WDR37: variants seen among roughly 807,000 people sequenced by gnomAD.
WDR37 encodes WD repeat-containing protein 37.
WDR37 carries 19 observed loss-of-function variants against 62.9 expected under a neutral mutation model. The ratio of observed to expected loss-of-function variants is 0.30; its 90% CI spans 0.21 to 0.44. WDR37 has a LOEUF of 0.44. WDR37 is among the 20% of genes least tolerant of loss of function. WDR37 has a pLI of 1.00. For missense variants in WDR37, 474 were observed against 657.6 expected, an observed-to-expected ratio of 0.72 and a Z score of 3.05; for synonymous variants, 250 against 260.9, an observed-to-expected ratio of 0.96 and a Z score of 0.40.
intron 1 of WDR37, among the ~76,000 whole-genome samples, chr10:1,063,206 TA>T (rs1833428026): frequency 6.6e-6 from 1 of 152,130 alleles, no homozygotes; most frequent in Non-Finnish European, 1.5e-5. Context: ...ATGTATCTCA[TA>T]TGTTGTGCTG....
rs563724583 is a variant in WDR37, at chr10:1,092,650, G to A, written c.605-802G>A. ...TGGTATTACAGGCGTGAGCCAGTGC[G>A]TCTGGCCCGACCCTGTCTTTACTAA... On this transcript the variant is annotated intron_variant, in intron 7 of 13. Coordinates refer to ENST00000263150, the MANE Select transcript of WDR37 (RefSeq NM_014023.4). Among the ~76,000 whole-genome samples the A allele has an allele frequency of 2.2e-4, 34 of 151,684 alleles. No homozygotes were observed. In the East Asian group the frequency reaches 5.9e-3, roughly 26 times the overall value.
At chr10:1,084,621 C>G (rs1357985212) in intron 6 of WDR37, 83 bp downstream of exon 6, 8 of 1,562,762 alleles carry the variant, frequency 5.1e-6, no homozygotes, top group Non-Finnish European at 7.0e-6. Flanking sequence ...TTTTCTGTGG[C>G]AGAGGAACCC....
chr10:1,125,451 C>T (rs1835709999), intron 13 of WDR37, among the ~76,000 whole-genome samples: 1 of 152,228 alleles, frequency 6.6e-6, no homozygotes, highest in South Asian at 2.1e-4. Context: ...CTCAGGTGAT[C>T]TGCCCTCCTC....
chr10:1,099,987 G>A (rs1332063230), intron 9 of WDR37, among the ~76,000 whole-genome samples: 2 of 152,086 alleles, frequency 1.3e-5, no homozygotes, highest in Non-Finnish European at 2.9e-5. Context: ...GGTGAGGAGG[G>A]TGAGCATTGA....
At chr10:1,090,053 G>A (rs1834334952) in intron 7 of WDR37, among the ~76,000 whole-genome samples, 1 of 152,274 alleles carries the variant, frequency 6.6e-6, no homozygotes, top group South Asian at 2.1e-4. Flanking sequence ...TGCAACCTCC[G>A]CCTCCCACGT....
At chr10:1,099,132 T>G (rs1834703546) in intron 9 of WDR37, among the ~76,000 whole-genome samples, 1 of 152,252 alleles carries the variant, frequency 6.6e-6, no homozygotes, top group South Asian at 2.1e-4. Flanking sequence ...CATAAAATTC[T>G]TCACTTACTG....
At chr10:1,057,445 C>T (rs565380757) in intron 1 of WDR37, among the ~76,000 whole-genome samples, 1 of 152,256 alleles carries the variant, frequency 6.6e-6, no homozygotes, top group Non-Finnish European at 1.5e-5. Context: ...AGGAGAATGG[C>T]CTTTCTTCTC....
At chr10:1,069,676 A>T (rs1833671703) in intron 1 of WDR37, among the ~76,000 whole-genome samples, 2 of 152,004 alleles carry the variant, frequency 1.3e-5, no homozygotes, top group Admixed American at 6.6e-5. Flanking sequence ...ACTAATGGGT[A>T]GTGTGGGTGA....
chr10:1,119,769 C>A (rs1019802895), intron 11 of WDR37, among the ~76,000 whole-genome samples: 1 of 152,228 alleles, frequency 6.6e-6, no homozygotes, highest in African/African-American at 2.4e-5. Flanking sequence ...TGACGAGGAG[C>A]GGGGCCTGCA....
intron 1 of WDR37, among the ~76,000 whole-genome samples, chr10:1,058,733 G>A (rs1306746570): frequency 6.6e-6 from 1 of 152,222 alleles, no homozygotes; most frequent in Non-Finnish European, 1.5e-5. Context: ...GTTGCCTGTA[G>A]AGACCATTCT....
intron 11 of WDR37, among the ~76,000 whole-genome samples, chr10:1,120,170 C>T (rs897956312): frequency 1.4e-4 from 21 of 152,128 alleles, no homozygotes; most frequent in Admixed American, 1.2e-3. Context: ...TTCCAAAAGG[C>T]GTGGGTGATG....
intron 13 of WDR37, 76 bp from the exon 14 acceptor site, chr10:1,129,137 T>A: frequency 6.3e-7 from 1 of 1,580,066 alleles, no homozygotes; most frequent in Non-Finnish European, 8.6e-7. Flanking sequence ...GTGATGTGGT[T>A]ATTCATTTCG....
intron 9 of WDR37, among the ~76,000 whole-genome samples, chr10:1,097,577 G>A (rs971608631): frequency 3.3e-5 from 5 of 152,222 alleles, no homozygotes; most frequent in Non-Finnish European, 7.3e-5. Flanking sequence ...GTTTCGAAGT[G>A]TGGGAGCCTC....
chr10:1,111,135 A>G (rs1835205558), intron 11 of WDR37, among the ~76,000 whole-genome samples: 1 of 152,252 alleles, frequency 6.6e-6, no homozygotes, highest in South Asian at 2.1e-4. Context: ...CCTTTCTCAC[A>G]TAATTTATAT....
intron 1 of WDR37, among the ~76,000 whole-genome samples, chr10:1,062,298 A>C (rs918835899): frequency 6.6e-6 from 1 of 152,236 alleles, no homozygotes; most frequent in Admixed American, 6.5e-5. Context: ...AGAGAACACC[A>C]TGCAACTTAC....
chr10:1,126,355 G>C (rs372269255), intron 13 of WDR37, among the ~76,000 whole-genome samples: 42 of 149,564 alleles, frequency 2.8e-4, no homozygotes, highest in Middle Eastern at 3.5e-3. Flanking sequence ...GCAGTGAGCT[G>C]AGATCGCGCC....
At chr10:1,063,471 A>T (rs1833436112) in intron 1 of WDR37, among the ~76,000 whole-genome samples, 1 of 152,022 alleles carries the variant, frequency 6.6e-6, no homozygotes. Flanking sequence ...CACCACCCTC[A>T]CCCTGCTAAT....
At chr10:1,061,010 C>T (rs1018633111) in intron 1 of WDR37, among the ~76,000 whole-genome samples, 15 of 152,162 alleles carry the variant, frequency 9.9e-5, no homozygotes, top group African/African-American at 2.7e-4. Flanking sequence ...GACGAAATCA[C>T]GTAACGATGC....
intron 5 of WDR37, 45 bp from the exon 6 acceptor site, chr10:1,084,358 T>A (rs907281528): frequency 1.9e-6 from 3 of 1,589,596 alleles, no homozygotes; most frequent in South Asian, 1.1e-5. Context: ...TTAGAAAAAT[T>A]TACTTCAGTA....
Sources: allele counts gnomAD v4.1 joint callset (sites outside exome capture counted in the v4.1 genomes callset), GRCh38; gene constraint gnomAD v4.1.1; transcripts MANE v1.5; gene names NCBI Gene and HGNC (gene_info 2026-07-23, HGNC 2026-07-21).